The following INO80 variants were observed in gnomAD, a reference collection of about 807,000 sequenced individuals.
INO80 encodes INO80 complex ATPase subunit.
INO80 carries 20 observed loss-of-function variants against 203.4 expected under a neutral mutation model. The ratio of observed to expected loss-of-function variants is 0.10; its 90% CI spans 0.07 to 0.14. The LOEUF is 0.14. Ranked by LOEUF, INO80 falls within the 10% of genes least tolerant of loss-of-function variation. INO80 has a pLI of 1.00. For synonymous variants in INO80, 726 were observed against 685.2 expected, an observed-to-expected ratio of 1.06 and a Z score of -0.93; for missense variants, 1,419 against 1,914.4, an observed-to-expected ratio of 0.74 and a Z score of 4.83.
chr15:40,983,655 AAAG>A, intron 34 of INO80, 104 bp downstream of exon 34: 1 of 949,086 alleles, frequency 1.1e-6, no homozygotes, highest in Non-Finnish European at 1.6e-6. Context: ...AAAGCTATTG[AAAG>A]AATAAAAATA....
intron 19 of INO80, among the ~76,000 whole-genome samples, chr15:41,051,299 T>C (rs2044866458): frequency 6.6e-6 from 1 of 151,864 alleles, no homozygotes; most frequent in Non-Finnish European, 1.5e-5. Flanking sequence ...CCTTGTTGCC[T>C]AGCCCCCCAT....
intron 23 of INO80, among the ~76,000 whole-genome samples, 164 bp downstream of exon 23, chr15:41,047,244 C>A (rs1328538689): frequency 1.3e-5 from 2 of 152,156 alleles, no homozygotes; most frequent in Non-Finnish European, 2.9e-5. Flanking sequence ...GGATTACAGG[C>A]ATGAGTCACC....
chr15:40,995,586 C>CTGT (rs1347575007), intron 29 of INO80, among the ~76,000 whole-genome samples: 1 of 152,078 alleles, frequency 6.6e-6, no homozygotes. Flanking sequence ...CAGAGAGAAA[C>CTGT]TAACAGAGTA....
At chr15:41,014,581 A>C (rs192268364) in intron 27 of INO80, among the ~76,000 whole-genome samples, 45 of 152,342 alleles carry the variant, frequency 3.0e-4, no homozygotes, top group Non-Finnish European at 1.5e-5. Context: ...TTCACTCATA[A>C]GCACTTCCAT....
In INO80 at chr15:41,079,723, T is replaced by C; in HGVS notation, c.1109A>G (p.Lys370Arg). ...RAEKEALEQRKLDEEMREAKR... is the reference protein window; with the variant it reads ...RAEKEALEQRRLDEEMREAKR... ...TACCTCCCGCATTTCCTCATCCAACTTCCGCTGCTCCAAAGCTTCCTTCTC... is the reference window on the plus strand; with the variant it reads ...TACCTCCCGCATTTCCTCATCCAACCTCCGCTGCTCCAAAGCTTCCTTCTC... The change falls in exon 9 of 36, where the codon AAG becomes AGG. Residue 370 changes from lysine to arginine, a missense_variant. Physicochemically the swap from Lys to Arg is conservative, Grantham distance 26 (BLOSUM62 2). This residue lies in a region of INO80 where 87 missense variants were observed against 150.5 expected (regional missense o/e 0.58). Transcript: ENST00000648947. 6.2e-7 allele frequency: 1 copy of C among 1,614,224 alleles called. No homozygotes were observed. The highest frequency in any genetic ancestry group is 8.5e-7 in the Non-Finnish European group (1 of 1,180,044).
intron 32 of INO80, among the ~76,000 whole-genome samples, chr15:40,985,054 T>C (rs1015412053): frequency 1.3e-5 from 2 of 152,194 alleles, no homozygotes; most frequent in Non-Finnish European, 2.9e-5. Context: ...AATGCCCATC[T>C]TAGTCACATT....
At chr15:41,115,412 TCA>T in intron 1 of INO80, among the ~76,000 whole-genome samples, 1 of 152,156 alleles carries the variant, frequency 6.6e-6, no homozygotes, top group East Asian at 1.9e-4. Context: ...AGAAGAGGTG[TCA>T]TCTAGACACT....
rs558492084 is a variant in INO80 at position 41,070,629 on chromosome 15, A to G, written c.1606-82T>C. On this transcript the variant is annotated intron_variant, in intron 12 of 35. Transcript: ENST00000648947. ...CCTGTTACCAAAAAGAACGACCAAGATAACAGGCTTGTTTAAAGAGAAGTG... is the reference window on the plus strand; with the variant it reads ...CCTGTTACCAAAAAGAACGACCAAGGTAACAGGCTTGTTTAAAGAGAAGTG... 107 of 1,119,992 alleles carry G rather than the reference A, an allele frequency of 9.6e-5. 1 individual carries two copies. In the Middle Eastern group the frequency reaches 2.2e-3, roughly 23 times the overall value. The allele number at this position is 1,119,992 out of a possible 1,614,324, so 69.4% of individuals were successfully genotyped here.
At chr15:40,997,460 A>G (rs1320531656) in intron 29 of INO80, 69 bp downstream of exon 29, 5 of 1,026,338 alleles carry the variant, frequency 4.9e-6, no homozygotes, top group Non-Finnish European at 1.5e-6. Flanking sequence ...GCCATATTAG[A>G]AAAACCTACA....
At chr15:40,987,055 AC>A (rs765591168) in intron 31 of INO80, 35 bp downstream of exon 31, 1 of 1,188,812 alleles carries the variant, frequency 8.4e-7, no homozygotes, top group South Asian at 1.2e-5. Context: ...ATTCTCAGAT[AC>A]GTGAGGGGAG....
chr15:41,071,729 G>A, intron 12 of INO80, 120 bp downstream of exon 12: 2 of 851,618 alleles, frequency 2.3e-6, no homozygotes, highest in Non-Finnish European at 3.7e-6. Flanking sequence ...CCAAAGTGCT[G>A]GAATTGCAGG....
intron 11 of INO80, among the ~76,000 whole-genome samples, chr15:41,072,632 C>T (rs1454157887): frequency 1.4e-5 from 2 of 138,036 alleles, no homozygotes; most frequent in Admixed American, 7.4e-5. Context: ...CAAAGCAAGA[C>T]TCCCGCCTCA....
chr15:41,095,035 C>CAAAAAAAAAA (rs35436731), intron 4 of INO80, among the ~76,000 whole-genome samples: 1 of 144,236 alleles, frequency 6.9e-6, no homozygotes. Context: ...TGCAAATATT[C>CAAAAAAAAAA]AAAAAAAAAA....
chr15:41,045,693 G>T (rs1194398310), intron 23 of INO80, among the ~76,000 whole-genome samples: 1 of 151,022 alleles, frequency 6.6e-6, no homozygotes, highest in Non-Finnish European at 1.5e-5. Flanking sequence ...AGGAGTTCGG[G>T]AACAGCCTGG....
At chr15:41,112,062 G>C (rs1422480796) in intron 1 of INO80, among the ~76,000 whole-genome samples, 1 of 151,912 alleles carries the variant, frequency 6.6e-6, no homozygotes, top group Non-Finnish European at 1.5e-5. Flanking sequence ...CGCCACCCTA[G>C]TCCAAAAATT....
chr15:41,005,781 C>A, intron 27 of INO80, 94 bp from the exon 28 acceptor site: 1 of 647,712 alleles, frequency 1.5e-6, no homozygotes, highest in South Asian at 1.9e-5. Flanking sequence ...CTTGTCCACA[C>A]TGGAGGCAAG....
intron 28 of INO80, among the ~76,000 whole-genome samples, chr15:41,000,706 C>CAAA (rs58232890): frequency 3.6e-3 from 204 of 56,686 alleles, no homozygotes; most frequent in Non-Finnish European, 4.2e-3. Flanking sequence ...CACCCTGTCT[C>CAAA]AAAAAAAAAA....
intron 29 of INO80, among the ~76,000 whole-genome samples, chr15:40,994,358 A>C (rs1183674333): frequency 6.6e-6 from 1 of 151,944 alleles, no homozygotes; most frequent in East Asian, 1.9e-4. Context: ...TAGCATTCAT[A>C]TTATCAGTTT....
intron 1 of INO80, among the ~76,000 whole-genome samples, chr15:41,101,675 G>A (rs1449641434): frequency 2.0e-5 from 3 of 150,570 alleles, no homozygotes; most frequent in South Asian, 2.1e-4. Flanking sequence ...TCAGCCTCCC[G>A]AGTAGCTGGG....
Sources: allele counts gnomAD v4.1 joint callset (sites outside exome capture counted in the v4.1 genomes callset), GRCh38; gene constraint gnomAD v4.1.1; regional missense constraint gnomAD v4.1.1; transcripts MANE v1.5; gene names NCBI Gene and HGNC (gene_info 2026-07-23, HGNC 2026-07-21).